Variants in BNC2 observed in about 807,000 individuals in gnomAD.
BNC2 encodes zinc finger protein basonuclin-2.
A neutral mutation model predicts 76.3 loss-of-function variants in BNC2; 20 were observed. The ratio of observed to expected loss-of-function variants is 0.26; its 90% CI spans 0.18 to 0.38. The LOEUF (loss-of-function observed/expected upper bound fraction) is 0.38. Ranked by LOEUF, BNC2 falls within the 10% of genes least tolerant of loss-of-function variation. BNC2 has a pLI of 1.00. For synonymous variants in BNC2, 582 were observed against 514.8 expected, an observed-to-expected ratio of 1.13 and a Z score of -1.77; for missense variants, 1,382 against 1,399.8, an observed-to-expected ratio of 0.99 and a Z score of 0.20.
chr9:16,602,067 T>C (rs74781894), intron 3 of BNC2, among the ~76,000 whole-genome samples: 3,654 of 152,236 alleles, frequency 0.024, 89 homozygotes, highest in South Asian at 0.086. Flanking sequence ...TTCATAATTT[T>C]TGTCATTCTA....
chr9:16,678,366 C>T lies in BNC2; in HGVS notation c.330+49431G>A, dbSNP rs569067390. Among the ~76,000 whole-genome samples, 3 of 143,990 alleles carry T rather than the reference C, an allele frequency of 2.1e-5. No individual in the cohort carries two copies. The South Asian group carries it at 6.8e-4, about 33-fold the overall frequency. The allele number at this position is 143,990 out of a possible 152,430, so 94.5% of individuals were successfully genotyped here. A position where few individuals can be genotyped will look rare whatever the true frequency, so the allele number is the denominator to read the frequency against. On this transcript the variant is annotated intron_variant, in intron 3 of 6. Coordinates refer to ENST00000380672, the MANE Select transcript of BNC2 (RefSeq NM_017637.6). ...CAATCTCGGCTCACTGCAGCCTCTG[C>T]CTCCCAATTCTCGTGCCTCAGCCTC...
At chr9:16,463,830 T>A (rs1276007525) in intron 5 of BNC2, among the ~76,000 whole-genome samples, 1 of 151,776 alleles carries the variant, frequency 6.6e-6, no homozygotes, top group African/African-American at 2.4e-5. Flanking sequence ...GCCCGGTGGC[T>A]CATGTCTGTA....
intron 6 of BNC2, among the ~76,000 whole-genome samples, chr9:16,420,352 A>G (rs1820684553): frequency 6.6e-6 from 1 of 152,174 alleles, no homozygotes; most frequent in Non-Finnish European, 1.5e-5. Context: ...ATAATAAAAT[A>G]CATTTACTTT....
chr9:16,761,430 A>G (rs1219335150), intron 1 of BNC2, among the ~76,000 whole-genome samples: 1 of 152,222 alleles, frequency 6.6e-6, no homozygotes, highest in African/African-American at 2.4e-5. Context: ...TTTCCACAAC[A>G]ATCCCAATTT....
At chr9:16,549,867 T>G (rs1193017108) in intron 5 of BNC2, among the ~76,000 whole-genome samples, 1 of 152,022 alleles carries the variant, frequency 6.6e-6, no homozygotes. Context: ...ATTCTACCAA[T>G]AAAACAAGAC....
At chr9:16,454,482 T>G (rs774694782) in intron 5 of BNC2, among the ~76,000 whole-genome samples, 2 of 152,098 alleles carry the variant, frequency 1.3e-5, no homozygotes, top group Non-Finnish European at 2.9e-5. Flanking sequence ...TTATTTTAGT[T>G]GTACAGAGAT....
chr9:16,862,638 CT>C (rs1406729841), intron 1 of BNC2, among the ~76,000 whole-genome samples: 3 of 152,198 alleles, frequency 2.0e-5, no homozygotes, highest in African/African-American at 7.2e-5. Flanking sequence ...CAGAGAGTAG[CT>C]ACTGCCATGT....
chr9:16,660,420 C>T (rs1431349683), intron 3 of BNC2, among the ~76,000 whole-genome samples: 3 of 151,002 alleles, frequency 2.0e-5, no homozygotes, highest in Non-Finnish European at 2.9e-5. Context: ...TGCCACTGCA[C>T]TCCAGACTGG....
intron 3 of BNC2, among the ~76,000 whole-genome samples, chr9:16,673,046 T>G (rs1822527098): frequency 6.6e-6 from 1 of 152,168 alleles, no homozygotes; most frequent in African/African-American, 2.4e-5. Flanking sequence ...TGGGGGGGTT[T>G]TTTATTTTGT....
chr9:16,468,643 G>C (rs752290610), intron 5 of BNC2, among the ~76,000 whole-genome samples: 1 of 151,870 alleles, frequency 6.6e-6, no homozygotes, highest in Non-Finnish European at 1.5e-5. Flanking sequence ...ATCCCACCTC[G>C]GCCTCCCAAA....
chr9:16,846,232 A>G (rs1033918432), intron 1 of BNC2, among the ~76,000 whole-genome samples: 1 of 152,182 alleles, frequency 6.6e-6, no homozygotes, highest in African/African-American at 2.4e-5. Flanking sequence ...AAAAAAGAAA[A>G]GATGCTTCAA....
At chr9:16,620,384 G>A (rs1321415822) in intron 3 of BNC2, among the ~76,000 whole-genome samples, 1 of 152,146 alleles carries the variant, frequency 6.6e-6, no homozygotes, top group Non-Finnish European at 1.5e-5. Flanking sequence ...ACTTTGCTCG[G>A]AGCTTTTACT....
intron 5 of BNC2, among the ~76,000 whole-genome samples, chr9:16,532,652 CAA>C (rs1224186763): frequency 6.6e-6 from 1 of 152,110 alleles, no homozygotes; most frequent in Non-Finnish European, 1.5e-5. Context: ...AAATTAAAAA[CAA>C]TGATAATAGG....
chr9:16,824,876 G>GCAT (rs1818416029), intron 1 of BNC2, among the ~76,000 whole-genome samples: 1 of 152,120 alleles, frequency 6.6e-6, no homozygotes, highest in Admixed American at 6.6e-5. Flanking sequence ...TACTTCCTGT[G>GCAT]CATAGATTGT....
intron 1 of BNC2, among the ~76,000 whole-genome samples, chr9:16,822,754 T>C (rs1177076057): frequency 6.6e-6 from 1 of 152,178 alleles, no homozygotes; most frequent in African/African-American, 2.4e-5. Flanking sequence ...TAAATGGAAA[T>C]ATTCTAGCTG....
At chr9:16,749,769 T>A (rs7869115) in intron 1 of BNC2, among the ~76,000 whole-genome samples, 130,678 of 151,866 alleles carry the variant, frequency 0.86, 56,614 homozygotes, top group Non-Finnish European at 0.91. Flanking sequence ...AAAGATATTA[T>A]TTAATAAGAC....
intron 3 of BNC2, among the ~76,000 whole-genome samples, chr9:16,669,529 G>T (rs770687511): frequency 6.6e-6 from 1 of 152,196 alleles, no homozygotes; most frequent in Non-Finnish European, 1.5e-5. Context: ...CTTCCAATTG[G>T]TTGAGGATCT....
At chr9:16,655,112 C>A (rs1027615509) in intron 3 of BNC2, among the ~76,000 whole-genome samples, 4 of 151,466 alleles carry the variant, frequency 2.6e-5, no homozygotes, top group Admixed American at 2.0e-4. Context: ...GACTAGGCCA[C>A]GAGATCAGAA....
intron 6 of BNC2, among the ~76,000 whole-genome samples, chr9:16,431,905 C>T (rs935991732): frequency 7.2e-5 from 11 of 152,154 alleles, no homozygotes; most frequent in Non-Finnish European, 1.5e-5. Context: ...GGAGGTGGAG[C>T]TCAGGCAGTA....
Sources: allele counts gnomAD v4.1 joint callset (sites outside exome capture counted in the v4.1 genomes callset), GRCh38; gene constraint gnomAD v4.1.1; transcripts MANE v1.5; gene names NCBI Gene and HGNC (gene_info 2026-07-23, HGNC 2026-07-21).